Variants in PRKD1 observed in about 807,000 individuals in gnomAD.
PRKD1 encodes serine/threonine-protein kinase D1.
Under a neutral mutation model 95.9 loss-of-function variants are expected in PRKD1, and 63 were observed. The ratio of observed to expected loss-of-function variants is 0.66; its 90% confidence interval spans 0.54 to 0.81. PRKD1 has a LOEUF of 0.81. Ranked by LOEUF, PRKD1 falls within the 30% of genes least tolerant of loss-of-function variation. PRKD1 has a pLI of 0.00. For synonymous variants in PRKD1, 425 were observed against 423.1 expected, an observed-to-expected ratio of 1.00 and a Z score of -0.05; for missense variants, 1,048 against 1,165.3, an observed-to-expected ratio of 0.90 and a Z score of 1.47.
intron 1 of PRKD1, among the ~76,000 whole-genome samples, chr14:29,813,334 C>T (rs1312304228): frequency 6.6e-6 from 1 of 152,144 alleles, no homozygotes; most frequent in Non-Finnish European, 1.5e-5. Flanking sequence ...ACTGGAAGTA[C>T]ATATTTGATG....
intron 1 of PRKD1, among the ~76,000 whole-genome samples, chr14:29,729,303 C>T (rs543349149): frequency 1.3e-5 from 2 of 152,094 alleles, no homozygotes; most frequent in South Asian, 2.1e-4. Context: ...CATGTTAAGC[C>T]CAGATTTTCC....
chr14:29,620,013 G>A (rs1594367546), intron 13 of PRKD1, among the ~76,000 whole-genome samples: 1 of 151,770 alleles, frequency 6.6e-6, no homozygotes, highest in African/African-American at 2.4e-5. Context: ...CCTCAGAAAT[G>A]ACGCCGCATA....
rs377707739 is a variant in PRKD1, at chr14:29,891,658, G to T, written c.264+35591C>A. Reference sequence around the variant, plus strand: ...TACTACTGGATGGTAAATTTTTGGGGTTTTTTTTTTTTCGTTTAAATCCCT... The same window carrying T: ...TACTACTGGATGGTAAATTTTTGGGTTTTTTTTTTTTTCGTTTAAATCCCT... On this transcript the variant is annotated intron_variant, in intron 1 of 17. Transcript: ENST00000331968. Among the ~76,000 whole-genome samples, 1,374 of 138,702 alleles carry T rather than the reference G, an allele frequency of 9.9e-3. 9 individuals are homozygous for T. The highest frequency in any genetic ancestry group is 0.012 in the Non-Finnish European group (741 of 63,200). 91.0% of individuals were successfully genotyped at this position (138,702 alleles called of 152,430 possible).
chr14:29,881,786 A>G (rs1431268160), intron 1 of PRKD1, among the ~76,000 whole-genome samples: 2 of 152,018 alleles, frequency 1.3e-5, no homozygotes, highest in African/African-American at 2.4e-5. Flanking sequence ...TTTTGTCCTT[A>G]TCTAATTGAA....
chr14:29,886,433 G>A (rs1893708280), intron 1 of PRKD1, among the ~76,000 whole-genome samples: 2 of 152,160 alleles, frequency 1.3e-5, no homozygotes, highest in African/African-American at 2.4e-5. Flanking sequence ...CAGATGAAAG[G>A]AGCCAATTCC....
rs1024872810 is a variant in PRKD1, at chr14:29,673,497, C to T, written c.404-7289G>A. 9.8e-5 allele frequency among the ~76,000 whole-genome samples: 15 copies of T among 152,354 alleles called. No homozygotes were observed. The East Asian group carries it at 2.9e-3, about 29-fold the overall frequency. On this transcript the variant is annotated intron_variant, in intron 2 of 17. Coordinates refer to ENST00000331968, the MANE Select transcript of PRKD1 (RefSeq NM_002742.3). ...GCCTACCCCCACCTGCAAAAGACTG[C>T]CCTCTTCTCTTTTCCATAGCGTCCT...
chr14:29,621,244 A>G (rs1188835520), intron 13 of PRKD1, among the ~76,000 whole-genome samples: 1 of 151,584 alleles, frequency 6.6e-6, no homozygotes, highest in Non-Finnish European at 1.5e-5. Context: ...CTAATGCTAA[A>G]TGATGAGTTA....
intron 2 of PRKD1, among the ~76,000 whole-genome samples, chr14:29,689,762 C>G (rs986216644): frequency 6.6e-6 from 1 of 152,096 alleles, no homozygotes; most frequent in South Asian, 2.1e-4. Context: ...GAAAATGTGG[C>G]ACATACATAC....
intron 1 of PRKD1, among the ~76,000 whole-genome samples, chr14:29,785,122 CA>C (rs1889208707): frequency 6.6e-6 from 1 of 152,122 alleles, no homozygotes; most frequent in South Asian, 2.1e-4. Flanking sequence ...GCTGCCCCTC[CA>C]AACCTGCTGA....
intron 1 of PRKD1, among the ~76,000 whole-genome samples, chr14:29,859,316 A>G (rs186319708): frequency 1.3e-5 from 2 of 151,940 alleles, no homozygotes; most frequent in Admixed American, 1.3e-4. Flanking sequence ...CTAAAAATAC[A>G]AAAAGAAATT....
intron 2 of PRKD1, among the ~76,000 whole-genome samples, chr14:29,711,452 GAAT>G (rs1234505026): frequency 6.6e-6 from 1 of 152,078 alleles, no homozygotes; most frequent in Non-Finnish European, 1.5e-5. Context: ...TAAGACAGTG[GAAT>G]AATGTTGTGG....
chr14:29,769,234 A>G (rs536022159), intron 1 of PRKD1, among the ~76,000 whole-genome samples: 1 of 152,244 alleles, frequency 6.6e-6, no homozygotes, highest in East Asian at 1.9e-4. Flanking sequence ...ACTCCTCCAT[A>G]TGTAACACAC....
chr14:29,729,378 T>C (rs780356054), intron 1 of PRKD1, among the ~76,000 whole-genome samples: 44 of 152,124 alleles, frequency 2.9e-4, no homozygotes, highest in Non-Finnish European at 6.3e-4. Context: ...TTCAATTTCC[T>C]CTTAAGTGAC....
chr14:29,775,893 C>A (rs1265247487), intron 1 of PRKD1, among the ~76,000 whole-genome samples: 2 of 152,144 alleles, frequency 1.3e-5, no homozygotes, highest in Non-Finnish European at 2.9e-5. Flanking sequence ...GGAGGCACCT[C>A]CCAGTAGGGG....
intron 11 of PRKD1, among the ~76,000 whole-genome samples, chr14:29,628,813 C>A (rs1879793261): frequency 6.6e-6 from 1 of 151,918 alleles, no homozygotes; most frequent in Admixed American, 6.6e-5. Flanking sequence ...TTATAATTGC[C>A]TAGCTGAGAA....
At chr14:29,578,136 A>G in intron 17 of PRKD1, 139 bp downstream of exon 17, 1 of 681,070 alleles carries the variant, frequency 1.5e-6, no homozygotes. Flanking sequence ...AATCCTATGA[A>G]GTTGCATGCA....
chr14:29,904,596 A>C (rs1894431784), intron 1 of PRKD1, among the ~76,000 whole-genome samples: 1 of 152,234 alleles, frequency 6.6e-6, no homozygotes, highest in Non-Finnish European at 1.5e-5. Context: ...TGCTATTATT[A>C]CTGCCATATA....
intron 1 of PRKD1, among the ~76,000 whole-genome samples, chr14:29,921,448 G>A (rs1895104079): frequency 6.6e-6 from 1 of 151,830 alleles, no homozygotes; most frequent in Admixed American, 6.6e-5. Flanking sequence ...AGTCTATAGA[G>A]CTTTAAGCTT....
At chr14:29,751,601 A>G (rs1382855969) in intron 1 of PRKD1, among the ~76,000 whole-genome samples, 1 of 152,220 alleles carries the variant, frequency 6.6e-6, no homozygotes, top group Non-Finnish European at 1.5e-5. Context: ...TGTGAAATAC[A>G]TTATGTATCT....
Sources: gnomAD v4.1 joint callset for allele counts (sites outside exome capture counted in the v4.1 genomes callset) on GRCh38, gnomAD v4.1.1 for gene constraint, MANE v1.5 for transcripts, NCBI Gene and HGNC (gene_info 2026-07-23, HGNC 2026-07-21) for gene names.